TSHZ3: variants seen among roughly 807,000 people sequenced by gnomAD.
TSHZ3 encodes the protein teashirt zinc finger homeobox 3, also known as teashirt homolog 3.
TSHZ3 carries 10 observed loss-of-function variants against 64.5 expected under a neutral mutation model. The observed-to-expected ratio is 0.16, with a 90% CI of 0.10 to 0.26. TSHZ3 has a LOEUF of 0.26. Ranked by LOEUF, TSHZ3 falls within the 10% of genes least tolerant of loss-of-function variation. TSHZ3 has a pLI of 1.00. For missense variants in TSHZ3, 1,242 were observed against 1,421.7 expected (o/e 0.87, Z 2.03); for synonymous variants, 608 against 593.1 (o/e 1.03, Z -0.36).
At chr19:31,325,811 C>T (rs575214581) in intron 1 of TSHZ3, among the ~76,000 whole-genome samples, 2 of 152,250 alleles carry the variant, frequency 1.3e-5, no homozygotes, top group African/African-American at 4.8e-5. Flanking sequence ...AACTCATTCA[C>T]TAGAGTCAAA....
At chr19:31,192,103 A>G (rs1390759) in intron 5 of TSHZ3, among the ~76,000 whole-genome samples, 104,424 of 151,978 alleles carry the variant, frequency 0.69, 36,007 homozygotes, top group Middle Eastern at 0.74. Flanking sequence ...TTGAGAATAC[A>G]TAATATAATT....
chr19:31,334,056 A>G (rs1917172415), intron 1 of TSHZ3, among the ~76,000 whole-genome samples: 1 of 152,174 alleles, frequency 6.6e-6, no homozygotes, highest in Non-Finnish European at 1.5e-5. Flanking sequence ...GCACGGCTCT[A>G]AGAACCAAGA....
intron 5 of TSHZ3, among the ~76,000 whole-genome samples, chr19:31,158,739 C>A (rs771318555): frequency 6.6e-6 from 1 of 152,002 alleles, no homozygotes; most frequent in Non-Finnish European, 1.5e-5. Flanking sequence ...ACTAGGTGGC[C>A]CCATATGGGG....
chr19:31,182,715 C>T (rs776165760), intron 5 of TSHZ3, among the ~76,000 whole-genome samples: 17 of 152,126 alleles, frequency 1.1e-4, no homozygotes, highest in Non-Finnish European at 1.9e-4. Context: ...ACCCATACAA[C>T]ACGTGTCCAA....
upstream of TSHZ3, among the ~76,000 whole-genome samples, chr19:31,350,548 G>C (rs1337196020): frequency 2.0e-5 from 3 of 151,500 alleles, no homozygotes; most frequent in African/African-American, 7.3e-5. Flanking sequence ...AGAGCCTAGG[G>C]GGCCGCCGCG....
intron 1 of TSHZ3, among the ~76,000 whole-genome samples, chr19:31,266,249 C>A (rs1976052483): frequency 6.6e-6 from 1 of 152,112 alleles, no homozygotes; most frequent in African/African-American, 2.4e-5. Context: ...CCTAAAAGGT[C>A]AAGAAACTGG....
chr19:31,265,865 G>A (rs1396108910), intron 1 of TSHZ3, among the ~76,000 whole-genome samples: 1 of 152,208 alleles, frequency 6.6e-6, no homozygotes, highest in Non-Finnish European at 1.5e-5. Flanking sequence ...TGAGAAGGGT[G>A]GAGGGGCAGG....
chr19:31,229,626 TTGA>T (rs749293599), intron 3 of TSHZ3, among the ~76,000 whole-genome samples: 3 of 152,170 alleles, frequency 2.0e-5, no homozygotes, highest in Non-Finnish European at 4.4e-5. Flanking sequence ...CTTGATGAAA[TTGA>T]TCACATGTAA....
chr19:31,330,705 TGG>T (rs142243125), intron 1 of TSHZ3, among the ~76,000 whole-genome samples: 1 of 92,902 alleles, frequency 1.1e-5, no homozygotes, highest in South Asian at 4.6e-4. Flanking sequence ...GTTTAATCCT[TGG>T]GCGGGGGGAG....
intron 1 of TSHZ3, among the ~76,000 whole-genome samples, chr19:31,283,465 C>A (rs1362767755): frequency 6.6e-6 from 1 of 152,066 alleles, no homozygotes; most frequent in Non-Finnish European, 1.5e-5. Context: ...GGAAATGGAC[C>A]CAGTGGAATG....
At chr19:31,210,348 T>C (rs1975247081) in intron 4 of TSHZ3, among the ~76,000 whole-genome samples, 1 of 152,166 alleles carries the variant, frequency 6.6e-6, no homozygotes, top group South Asian at 2.1e-4. Context: ...GTTTCCTCTC[T>C]TCCCCACTTC....
chr19:31,279,289 G>A lies in TSHZ3; in HGVS notation c.504C>T (p.His168=), dbSNP rs1976317362. 6.2e-7 allele frequency: 1 copy of A among 1,613,858 alleles called. No homozygotes were observed. The highest frequency in any genetic ancestry group is 8.5e-7 in the Non-Finnish European group (1 of 1,179,932). Residue 168 remains histidine (H), a synonymous_variant, in exon 2 of 2, where the codon CAC becomes CAT. Transcript: ENST00000240587. This position sits in a 1 kb window ranked among gnomAD's most constrained non-coding sequence, Gnocchi z 6.4. Reference sequence around the variant, plus strand: ...GCAGCGTCTTAGCCATGGCGCTCTGGTGCCAGTCGAAGCTCCCGCTGCCAC... The same window carrying A: ...GCAGCGTCTTAGCCATGGCGCTCTGATGCCAGTCGAAGCTCCCGCTGCCAC... ...SSCGSGSFDW[H]QSAMAKTLQQ...
At chr19:31,204,161 T>C (rs1975128463) in intron 5 of TSHZ3, among the ~76,000 whole-genome samples, 1 of 151,928 alleles carries the variant, frequency 6.6e-6, no homozygotes, top group African/African-American at 2.4e-5. Flanking sequence ...CATGTGGAGA[T>C]TACAATTTGA....
intron 4 of TSHZ3, among the ~76,000 whole-genome samples, chr19:31,216,583 G>A (rs1028791271): frequency 1.3e-5 from 2 of 151,676 alleles, no homozygotes; most frequent in African/African-American, 4.8e-5. Context: ...CGGGTAGCTG[G>A]GACTACAGGT....
At chr19:31,232,770 A>AT (rs1568355002) in intron 3 of TSHZ3, among the ~76,000 whole-genome samples, 3 of 152,064 alleles carry the variant, frequency 2.0e-5, no homozygotes, top group South Asian at 2.1e-4. Context: ...ACAGATATGT[A>AT]TTTTTTTCTG....
intron 5 of TSHZ3, among the ~76,000 whole-genome samples, chr19:31,201,841 T>A (rs1197000354): frequency 6.6e-6 from 1 of 152,162 alleles, no homozygotes; most frequent in Admixed American, 6.5e-5. Context: ...GGAAATATCA[T>A]CTATTGCCAT....
At chr19:31,269,480 G>T (rs1976104311) in intron 1 of TSHZ3, among the ~76,000 whole-genome samples, 1 of 151,480 alleles carries the variant, frequency 6.6e-6, no homozygotes, top group South Asian at 2.1e-4. Flanking sequence ...CTTGGCTCAA[G>T]TTTACCCAGC....
At chr19:31,208,818 T>C (rs1466542793) in intron 4 of TSHZ3, among the ~76,000 whole-genome samples, 3 of 152,172 alleles carry the variant, frequency 2.0e-5, no homozygotes, top group Non-Finnish European at 4.4e-5. Context: ...CAGATCTTAC[T>C]TACCAACGCT....
intron 1 of TSHZ3, among the ~76,000 whole-genome samples, chr19:31,293,021 C>T (rs1166218205): frequency 6.8e-6 from 1 of 147,306 alleles, no homozygotes. Flanking sequence ...ATGTATCCAT[C>T]CATCCAAAAA....
Sources: gnomAD v4.1 joint callset for allele counts (sites outside exome capture counted in the v4.1 genomes callset) on GRCh38, gnomAD v4.1.1 for gene constraint, Gnocchi (gnomAD v3.1) non-coding constraint, MANE v1.5 for transcripts, NCBI Gene and HGNC (gene_info 2026-07-23, HGNC 2026-07-21) for gene names.